The following CLVS1 variants were observed in gnomAD, a reference collection of about 807,000 sequenced individuals.
CLVS1 encodes the protein clavesin 1, also known as clavesin-1.
Under a neutral mutation model 33.1 loss-of-function variants are expected in CLVS1, and 10 were observed. That is an observed-to-expected ratio of 0.30 (90% confidence interval 0.19 to 0.51). The LOEUF (loss-of-function observed/expected upper bound fraction) is 0.51. Among genes scored for constraint, CLVS1 ranks in the 20% least tolerant of loss-of-function variants. CLVS1 has a pLI of 0.97. For missense variants in CLVS1, 343 were observed against 433.4 expected, an observed-to-expected ratio of 0.79 and a Z score of 1.85; for synonymous variants, 163 against 166.1, an observed-to-expected ratio of 0.98 and a Z score of 0.14.
intron 2 of CLVS1, among the ~76,000 whole-genome samples, chr8:61,372,396 T>G (rs371984309): frequency 1.3e-5 from 2 of 152,198 alleles, no homozygotes. Context: ...AGAAGGCATT[T>G]ATTTTTTAAA....
chr8:60,967,664 A>G, the CLVS1 span: 7 of 455,810 alleles, frequency 1.5e-5, no homozygotes, highest in Non-Finnish European at 2.6e-5. Context: ...CCATTTGTAC[A>G]GACGTTTTCA....
intron 3 of CLVS1, among the ~76,000 whole-genome samples, chr8:61,441,987 G>T (rs1011309230): frequency 2.6e-5 from 4 of 152,076 alleles, no homozygotes; most frequent in African/African-American, 7.2e-5. Flanking sequence ...ATGTAAGGCA[G>T]AAAAGACCAT....
chr8:61,366,405 GC>G (rs2129600596), intron 2 of CLVS1, among the ~76,000 whole-genome samples: 1 of 152,330 alleles, frequency 6.6e-6, no homozygotes, highest in Non-Finnish European at 1.5e-5. Flanking sequence ...TTATGTGAAT[GC>G]AGGCATGGCC....
chr8:61,266,026 T>G (rs1804686339), intron 2 of CLVS1, among the ~76,000 whole-genome samples: 1 of 152,108 alleles, frequency 6.6e-6, no homozygotes, highest in Admixed American at 6.5e-5. Flanking sequence ...AATGGACAGG[T>G]CTAAGGCTTC....
the CLVS1 span, among the ~76,000 whole-genome samples, chr8:61,049,772 A>C: frequency 2.0e-5 from 3 of 152,246 alleles, no homozygotes; most frequent in African/African-American, 7.2e-5. Flanking sequence ...TTTCATGCAC[A>C]TTCTCATAAT....
the CLVS1 span, among the ~76,000 whole-genome samples, chr8:61,001,246 C>T: frequency 1.5e-3 from 223 of 152,268 alleles, no homozygotes; most frequent in African/African-American, 4.5e-3. Flanking sequence ...TTCAGCCTTC[C>T]GAGTAGCTGG....
chr8:61,404,530 G>T (rs1814904318), intron 3 of CLVS1, among the ~76,000 whole-genome samples: 1 of 152,106 alleles, frequency 6.6e-6, no homozygotes, highest in Non-Finnish European at 1.5e-5. Context: ...CATTGTAAGA[G>T]CTAACATTGC....
intron 2 of CLVS1, among the ~76,000 whole-genome samples, chr8:61,339,878 A>G (rs1315109117): frequency 6.6e-6 from 1 of 151,140 alleles, no homozygotes; most frequent in African/African-American, 2.4e-5. Flanking sequence ...AAATAGAGAA[A>G]GAGAAGGAGG....
At chr8:61,384,629 A>AT (rs1382163957) in intron 3 of CLVS1, among the ~76,000 whole-genome samples, 2 of 152,102 alleles carry the variant, frequency 1.3e-5, no homozygotes, top group African/African-American at 4.8e-5. Context: ...GGTATTGAGC[A>AT]TTTTTTAGGG....
intron 1 of CLVS1, among the ~76,000 whole-genome samples, chr8:61,064,783 G>C (rs61665198): frequency 2.0e-5 from 3 of 151,124 alleles, no homozygotes; most frequent in South Asian, 2.1e-4. Context: ...CTCACTGCAA[G>C]CTCTGCCTCC....
chr8:60,974,061 T>G, the CLVS1 span, among the ~76,000 whole-genome samples: 1 of 152,286 alleles, frequency 6.6e-6, no homozygotes, highest in Non-Finnish European at 1.5e-5. Flanking sequence ...CCTGTTCTCT[T>G]ACTCCCAAAG....
intron 2 of CLVS1, among the ~76,000 whole-genome samples, chr8:61,353,755 G>A (rs1283968891): frequency 6.6e-6 from 1 of 150,760 alleles, no homozygotes; most frequent in Non-Finnish European, 1.5e-5. Flanking sequence ...AAAAATCCAT[G>A]AAAGTGAAAT....
chr8:61,349,728 A>G (rs1272381068), intron 2 of CLVS1, among the ~76,000 whole-genome samples: 1 of 151,882 alleles, frequency 6.6e-6, no homozygotes, highest in Admixed American at 6.6e-5. Flanking sequence ...AAACTCCCAT[A>G]CTCCCCTGGT....
At chr8:61,220,647 T>TA (rs1337678981) in intron 2 of CLVS1, among the ~76,000 whole-genome samples, 1 of 152,054 alleles carries the variant, frequency 6.6e-6, no homozygotes, top group African/African-American at 2.4e-5. Context: ...TACAGGTTTT[T>TA]TTTTTTATTT....
At chr8:61,068,233 A>G (rs903750465) in intron 1 of CLVS1, among the ~76,000 whole-genome samples, 4 of 146,110 alleles carry the variant, frequency 2.7e-5, no homozygotes, top group South Asian at 2.1e-4. Context: ...GTATGTGTAT[A>G]TATATATATA....
At position 61,466,615 on chromosome 8, in the gene CLVS1, A is replaced by G. The variant is rs185866250; in HGVS notation, c.977+8073A>G. Among the ~76,000 whole-genome samples, 286 of 152,304 alleles carry G rather than the reference A, an allele frequency of 1.9e-3. 3 individuals carry two copies. The highest frequency in any genetic ancestry group is 6.6e-3 in the African/African-American group (273 of 41,552). On this transcript the variant is annotated intron_variant, in intron 5 of 5. Coordinates refer to ENST00000325897, the MANE Select transcript of CLVS1 (RefSeq NM_173519.3). ...TGGTTCTTGCCTTTATTGCTGATAA[A>G]GTAATTAAAATGGCTATAGATATTA... is the stretch of plus-strand genomic sequence containing the variant.
At position 61,324,358 on chromosome 8, in the gene CLVS1, T is replaced by C. The variant is rs1437189907; in HGVS notation, c.455+24076T>C. The stretch of plus-strand genomic sequence containing the variant: ...CTGCTTTTGCATCCTTCTCATTTTC[T>C]CTTGCTGCCACCCTGGAAGAACTGC... On this transcript the variant is annotated intron_variant, in intron 2 of 5. Transcript: ENST00000325897. Among the ~76,000 whole-genome samples the C allele has an allele frequency of 9.9e-5, 15 of 152,116 alleles. No homozygotes were observed. The East Asian group carries it at 2.9e-3, about 29-fold the overall frequency.
rs766526404 is a variant in CLVS1, at chr8:61,458,404, T to C, written c.839T>C (p.Met280Thr). The change falls in exon 5 of 6, where the codon ATG becomes ACG. Residue 280 changes from methionine to threonine, a missense_variant. Met to Thr is a moderately conservative substitution (Grantham distance 81). Transcript: ENST00000325897. Reference sequence around the variant, plus strand: ...GGAGGAACTCTTCCTCCTTATGACATGGGAACTTGGGCCCGGACGTTACTC... The same window carrying C: ...GGAGGAACTCTTCCTCCTTATGACACGGGAACTTGGGCCCGGACGTTACTC... ...EFGGTLPPYD[M>T]GTWARTLLGP... is the part of the protein sequence containing the mutation. 24 of 1,614,102 alleles carry C rather than the reference T, an allele frequency of 1.5e-5. No homozygotes were observed. Among genetic ancestry groups the C allele is most frequent in the East Asian group, 2.2e-5 (1 of 44,874 alleles).
Position 61,139,754 on chromosome 8 carries a change from G to A in CLVS1, c.-152+7894G>A, listed in dbSNP as rs551624491. ...CGCGTCGGTTCTGTTTATCAGGAGG[G>A]CTGGGGGGGATGTTTGGAGTTTTCT... is the stretch of plus-strand genomic sequence containing the variant. On this transcript the variant is annotated intron_variant, in intron 2 of 2. Coordinates refer to the CLVS1 transcript ENST00000522621. Among the ~76,000 whole-genome samples, 492 of 152,300 alleles carry A rather than the reference G, an allele frequency of 3.2e-3. 3 individuals carry two copies. Among genetic ancestry groups the A allele is most frequent in the African/African-American group, 0.012 (480 of 41,566 alleles).
Sources: allele counts gnomAD v4.1 joint callset (sites outside exome capture counted in the v4.1 genomes callset), GRCh38; gene constraint gnomAD v4.1.1; transcripts MANE v1.5; gene names NCBI Gene and HGNC (gene_info 2026-07-23, HGNC 2026-07-21).